The following TMEM108 variants were observed in gnomAD, a reference collection of about 807,000 sequenced individuals.
TMEM108 encodes cancer/testis antigen 124.
A neutral mutation model predicts 35.1 loss-of-function variants in TMEM108; 12 were observed. That is an observed-to-expected ratio of 0.34 (90% CI 0.22 to 0.55). TMEM108 has a LOEUF of 0.55. TMEM108 is among the 20% of genes least tolerant of loss of function. The pLI is 0.89. For missense variants in TMEM108, 680 were observed against 753.3 expected (o/e 0.90, Z 1.14); for synonymous variants, 287 against 308.6 (o/e 0.93, Z 0.73).
At chr3:133,391,231 T>G (rs573367149) in intron 5 of TMEM108, among the ~76,000 whole-genome samples, 1 of 152,160 alleles carries the variant, frequency 6.6e-6, no homozygotes, top group African/African-American at 2.4e-5. Flanking sequence ...GGAAAGAAAA[T>G]AATGGCTTGA....
intron 2 of TMEM108, among the ~76,000 whole-genome samples, chr3:133,058,409 C>A (rs1943498537): frequency 6.6e-6 from 1 of 152,240 alleles, no homozygotes; most frequent in Non-Finnish European, 1.5e-5. Context: ...CCTCTTCAAG[C>A]CTCAGACGGG....
chr3:133,048,113 T>TG (rs1238443166), intron 2 of TMEM108, among the ~76,000 whole-genome samples: 1 of 151,262 alleles, frequency 6.6e-6, no homozygotes, highest in Non-Finnish European at 1.5e-5. Flanking sequence ...AAGGGAAGAG[T>TG]GGATGAGGCA....
At position 133,195,338 on chromosome 3, in the gene TMEM108, C is replaced by G. The variant is rs573497177; in HGVS notation, c.-46-33928C>G. Among the ~76,000 whole-genome samples, 3 of 152,246 alleles carry G rather than the reference C, an allele frequency of 2.0e-5. No homozygotes were observed. The South Asian group carries it at 6.2e-4, about 32-fold the overall frequency. On this transcript the variant is annotated intron_variant, in intron 2 of 5. Transcript: ENST00000321871. The stretch of plus-strand genomic sequence containing the variant: ...GAGAGACTAAGACAAGATCCAAGAT[C>G]TCATAATTTTGTACCCTACTTTTTT...
chr3:133,196,568 C>T (rs1945580879), intron 2 of TMEM108, among the ~76,000 whole-genome samples: 1 of 152,116 alleles, frequency 6.6e-6, no homozygotes, highest in Non-Finnish European at 1.5e-5. Flanking sequence ...GGAGTCTAGT[C>T]AAAGGAAATC....
intron 2 of TMEM108, among the ~76,000 whole-genome samples, chr3:133,077,727 A>T (rs6806837): frequency 0.061 from 9,335 of 152,114 alleles, 962 homozygotes; most frequent in African/African-American, 0.21. Flanking sequence ...TGGCCAGGTA[A>T]CTTCCTTTTG....
At chr3:133,234,263 A>C (rs1033509600) in intron 3 of TMEM108, among the ~76,000 whole-genome samples, 5 of 152,158 alleles carry the variant, frequency 3.3e-5, no homozygotes, top group African/African-American at 1.2e-4. Context: ...ACATATGGCT[A>C]GCCAGTTTTC....
chr3:133,239,059 C>A (rs939461103), intron 3 of TMEM108, among the ~76,000 whole-genome samples: 4 of 152,152 alleles, frequency 2.6e-5, no homozygotes, highest in African/African-American at 9.7e-5. Context: ...CAAGTCCTGG[C>A]ATACCACAAA....
At chr3:133,125,938 G>T (rs934577014) in intron 2 of TMEM108, among the ~76,000 whole-genome samples, 1 of 152,154 alleles carries the variant, frequency 6.6e-6, no homozygotes, top group Non-Finnish European at 1.5e-5. Context: ...CCTTCTATCA[G>T]TTCCTTTGAT....
At chr3:133,217,063 C>G (rs896051979) in intron 2 of TMEM108, among the ~76,000 whole-genome samples, 4 of 151,984 alleles carry the variant, frequency 2.6e-5, no homozygotes, top group Admixed American at 1.3e-4. Flanking sequence ...TGCAAGAGTT[C>G]CCTTTTCTTC....
chr3:133,190,335 C>G (rs1426053018), intron 2 of TMEM108, among the ~76,000 whole-genome samples: 1 of 152,072 alleles, frequency 6.6e-6, no homozygotes, highest in Non-Finnish European at 1.5e-5. Context: ...AATACTTAGA[C>G]CATGCAAGAT....
chr3:133,113,403 A>T (rs1410021093), intron 2 of TMEM108, among the ~76,000 whole-genome samples: 1 of 152,200 alleles, frequency 6.6e-6, no homozygotes, highest in African/African-American at 2.4e-5. Flanking sequence ...AGAATTGACA[A>T]GTCAATCCTC....
At chr3:133,281,009 A>C (rs1053375098) in intron 3 of TMEM108, among the ~76,000 whole-genome samples, 2 of 152,252 alleles carry the variant, frequency 1.3e-5, no homozygotes, top group African/African-American at 4.8e-5. Context: ...GCAAGTCACA[A>C]GGCAAGCCTA....
intron 3 of TMEM108, among the ~76,000 whole-genome samples, chr3:133,342,691 T>C (rs1044089668): frequency 2.0e-5 from 3 of 150,394 alleles, no homozygotes; most frequent in African/African-American, 7.3e-5. Context: ...TTCTTAGTCA[T>C]GTGGGAGCTA....
chr3:133,042,348 A>G (rs111839082), intron 1 of TMEM108, among the ~76,000 whole-genome samples: 5,161 of 152,208 alleles, frequency 0.034, 165 homozygotes, highest in Admixed American at 0.072. Context: ...TTTACTACCA[A>G]TGCTAAATAC....
At chr3:133,188,769 A>G (rs1231606926) in intron 2 of TMEM108, among the ~76,000 whole-genome samples, 1 of 152,188 alleles carries the variant, frequency 6.6e-6, no homozygotes, top group Non-Finnish European at 1.5e-5. Flanking sequence ...TTGACATAAT[A>G]AAAATTTATT....
chr3:133,150,405 C>T (rs904586451), intron 2 of TMEM108, among the ~76,000 whole-genome samples: 13 of 135,470 alleles, frequency 9.6e-5, no homozygotes, highest in Admixed American at 4.9e-4. Context: ...TATTAGCCAC[C>T]TATTAGATAT....
At chr3:133,199,248 C>T (rs529345719) in intron 2 of TMEM108, among the ~76,000 whole-genome samples, 36 of 152,298 alleles carry the variant, frequency 2.4e-4, no homozygotes, top group Non-Finnish European at 3.8e-4. Context: ...TCCTTTAGCT[C>T]GGAGAAGTTT....
At chr3:133,227,195 T>C (rs1039794831) in intron 2 of TMEM108, among the ~76,000 whole-genome samples, 11 of 138,064 alleles carry the variant, frequency 8.0e-5, no homozygotes, top group Middle Eastern at 3.7e-3. Context: ...CTTTCTTTTT[T>C]TTTTTTTTTT....
At chr3:133,078,158 T>TGTGTGTGTGTGTGTGTGTGTGTGCGC (rs770304551) in intron 2 of TMEM108, among the ~76,000 whole-genome samples, 2 of 116,772 alleles carry the variant, frequency 1.7e-5, no homozygotes, top group Admixed American at 8.9e-5. Flanking sequence ...TGTGTGTGTG[T>TGTGTGTGTGTGTGTGTGTGTGTGCGC]GCACGCGCGC....
Sources: allele counts gnomAD v4.1 joint callset (sites outside exome capture counted in the v4.1 genomes callset), GRCh38; gene constraint gnomAD v4.1.1; transcripts MANE v1.5; gene names NCBI Gene and HGNC (gene_info 2026-07-23, HGNC 2026-07-21).